RBFOX1: variants seen among roughly 807,000 people sequenced by gnomAD.
RBFOX1 encodes the protein RNA binding fox-1 homolog 1.
RBFOX1 carries 8 observed loss-of-function variants against 57.7 expected under a neutral mutation model. The observed-to-expected ratio is 0.14, with a 90% CI of 0.08 to 0.25. RBFOX1 has a LOEUF of 0.25. RBFOX1 is among the 10% of genes least tolerant of loss of function. RBFOX1 has a pLI of 1.00. For missense variants in RBFOX1, 611 were observed against 548.5 expected (o/e 1.11, Z -1.14); for synonymous variants, 326 against 222.4 (o/e 1.47, Z -4.15).
intron 2 of RBFOX1, among the ~76,000 whole-genome samples, chr16:6,366,102 T>C (rs2089564257): frequency 6.6e-6 from 1 of 151,862 alleles, no homozygotes; most frequent in East Asian, 1.9e-4. Flanking sequence ...TGTGTGTGTG[T>C]GTGTGTGTGT....
intron 3 of RBFOX1, among the ~76,000 whole-genome samples, chr16:7,041,082 ATTT>A (rs61569211): frequency 0.093 from 10,109 of 108,890 alleles, 174 homozygotes; most frequent in Middle Eastern, 0.16. Context: ...CGCCCAGCTA[ATTT>A]TTTTTTTTTT....
At chr16:5,871,600 G>T (rs900887006) in intron 4 of RBFOX1, among the ~76,000 whole-genome samples, 1 of 152,142 alleles carries the variant, frequency 6.6e-6, no homozygotes, top group Non-Finnish European at 1.5e-5. Context: ...GCAGCCATTG[G>T]ATTGCAAATG....
At chr16:6,218,612 G>A (rs569905888) in intron 1 of RBFOX1, among the ~76,000 whole-genome samples, 1 of 152,054 alleles carries the variant, frequency 6.6e-6, no homozygotes, top group Non-Finnish European at 1.5e-5. Context: ...GCCGGCCTTA[G>A]TAAAGTCTTT....
At chr16:6,766,562 C>A (rs184714311) in intron 3 of RBFOX1, among the ~76,000 whole-genome samples, 1 of 151,804 alleles carries the variant, frequency 6.6e-6, no homozygotes, top group Admixed American at 6.6e-5. Flanking sequence ...TGTTCTTTAT[C>A]ATCAGTGTCT....
intron 2 of RBFOX1, among the ~76,000 whole-genome samples, chr16:6,402,526 T>C (rs1372034911): frequency 2.0e-5 from 3 of 152,206 alleles, no homozygotes; most frequent in African/African-American, 7.2e-5. Context: ...TTTCTCCAAA[T>C]GGTACCCAAA....
At chr16:5,357,232 C>T (rs945758604) in intron 1 of RBFOX1, among the ~76,000 whole-genome samples, 2 of 152,320 alleles carry the variant, frequency 1.3e-5, no homozygotes, top group Non-Finnish European at 2.9e-5. Flanking sequence ...CATGTTTGTT[C>T]TACTGGGGCA....
intron 5 of RBFOX1, among the ~76,000 whole-genome samples, chr16:7,540,178 A>G (rs536271923): frequency 5.5e-4 from 84 of 152,306 alleles, no homozygotes; most frequent in Non-Finnish European, 9.3e-4. Flanking sequence ...GTTATCTTTT[A>G]TAGTGTACTC....
chr16:5,875,648 A>G (rs569231665), intron 4 of RBFOX1, among the ~76,000 whole-genome samples: 2 of 152,194 alleles, frequency 1.3e-5, no homozygotes, highest in African/African-American at 2.4e-5. Context: ...TAGCAGAAGT[A>G]TCAACTAGAA....
intron 4 of RBFOX1, among the ~76,000 whole-genome samples, chr16:7,505,171 ATG>A (rs1291744323): frequency 3.3e-5 from 5 of 150,038 alleles, no homozygotes; most frequent in East Asian, 2.0e-4. Context: ...GCTTTTGTAC[ATG>A]TGTGTGTGTG....
At chr16:6,266,417 A>C (rs1411396352) in intron 1 of RBFOX1, among the ~76,000 whole-genome samples, 1 of 152,086 alleles carries the variant, frequency 6.6e-6, no homozygotes, top group African/African-American at 2.4e-5. Context: ...GAGTCTTAGA[A>C]TCTATTTACT....
At chr16:5,740,029 G>C (rs1729848386) in intron 3 of RBFOX1, among the ~76,000 whole-genome samples, 1 of 152,216 alleles carries the variant, frequency 6.6e-6, no homozygotes, top group Non-Finnish European at 1.5e-5. Context: ...CTGCAGAACT[G>C]CTCTCTTTGA....
intron 1 of RBFOX1, among the ~76,000 whole-genome samples, chr16:5,457,232 G>A (rs2068657804): frequency 6.6e-6 from 1 of 152,072 alleles, no homozygotes; most frequent in Non-Finnish European, 1.5e-5. Flanking sequence ...TACCTCCCGG[G>A]TTCAAGATCC....
intron 4 of RBFOX1, among the ~76,000 whole-genome samples, chr16:7,299,988 G>T (rs561934298): frequency 2.6e-5 from 4 of 152,332 alleles, no homozygotes; most frequent in African/African-American, 9.6e-5. Flanking sequence ...CAAATGTGAG[G>T]CTTATGCAAT....
chr16:5,641,137 C>A (rs2048858409), intron 3 of RBFOX1, among the ~76,000 whole-genome samples: 1 of 150,676 alleles, frequency 6.6e-6, no homozygotes. Flanking sequence ...CACATGCACA[C>A]CATGAATACA....
chr16:6,592,195 A>G (rs7186629), intron 2 of RBFOX1, among the ~76,000 whole-genome samples: 144,289 of 152,234 alleles, frequency 0.95, 68,892 homozygotes, highest in East Asian at 1. Context: ...CAATATTTCA[A>G]TTTCAGAAAA....
intron 4 of RBFOX1, among the ~76,000 whole-genome samples, chr16:5,897,834 CTT>C (rs59833852): frequency 1.2e-3 from 172 of 140,580 alleles, no homozygotes; most frequent in Middle Eastern, 7.6e-3. Context: ...TTTAACTTCT[CTT>C]TTTTTTTTTT....
chr16:5,821,956 A>G (rs2055872789), intron 3 of RBFOX1, among the ~76,000 whole-genome samples: 1 of 152,224 alleles, frequency 6.6e-6, no homozygotes, highest in African/African-American at 2.4e-5. Flanking sequence ...TTGAGGATTA[A>G]GTTCCAACAT....
Position 6,988,747 on chromosome 16 carries a change from G to GTTTTTTGTTT in RBFOX1, c.-15-63307_-15-63306insTTTGTTTTTT, listed in dbSNP as rs1491349866. 2.7e-3 allele frequency among the ~76,000 whole-genome samples: 274 copies of GTTTTTTGTTT among 101,438 alleles called. 7 individuals carry two copies. The highest frequency in any genetic ancestry group is 0.011 in the African/African-American group (258 of 24,252). 66.5% of individuals were successfully genotyped at this position (101,438 alleles called of 152,430 possible). On this transcript the variant is annotated intron_variant, in intron 3 of 15. Coordinates refer to ENST00000550418, the MANE Select transcript of RBFOX1 (RefSeq NM_018723.4). The stretch of plus-strand genomic sequence containing the variant: ...ACCCAGCTAATTTTTTTTTTTGTTT[G>GTTTTTTGTTT]TTTGTTTTTTGTTTTTTGTTTTTTG...
At chr16:6,457,701 G>A (rs1401241197) in intron 2 of RBFOX1, among the ~76,000 whole-genome samples, 2 of 152,146 alleles carry the variant, frequency 1.3e-5, no homozygotes, top group Non-Finnish European at 2.9e-5. Flanking sequence ...GTAGGTGCTG[G>A]TATCTGCTAG....
Sources: gnomAD v4.1 joint callset for allele counts (sites outside exome capture counted in the v4.1 genomes callset) on GRCh38, gnomAD v4.1.1 for gene constraint, MANE v1.5 for transcripts, NCBI Gene and HGNC (gene_info 2026-07-23, HGNC 2026-07-21) for gene names.